KNL1: variants seen among roughly 807,000 people sequenced by gnomAD.
KNL1 encodes outer kinetochore KNL1 complex subunit KNL1.
In KNL1, 66 loss-of-function variants were observed where a neutral mutation model predicts 201.3. That is an observed-to-expected ratio of 0.33 (90% confidence interval 0.27 to 0.40). The LOEUF is 0.40. Ranked by LOEUF, KNL1 falls within the 10% of genes least tolerant of loss-of-function variation. The pLI is 1.00. For missense variants in KNL1, 2,815 were observed against 2,690.5 expected, an observed-to-expected ratio of 1.05 and a Z score of -1.02; for synonymous variants, 895 against 899.2, an observed-to-expected ratio of 1.00 and a Z score of 0.08.
At position 40,659,365 on chromosome 15, in the gene KNL1, C is replaced by T; in HGVS notation, c.6740C>T (p.Ala2247Val). The T allele has an allele frequency of 1.2e-6, 2 of 1,612,988 alleles. No individual in the cohort carries two copies. The highest frequency in any genetic ancestry group is 1.3e-5 in the African/African-American group (1 of 75,018). The part of the protein sequence containing the change: ...NELRLLFSSS[A>V]AFAKFEITLF... ...TTGAGACTTTTATTCTCTAGCTCCG[C>T]AGCATTTGCAAAGTTTGAAATAACT... The change falls in exon 25 of 26, where the codon GCA becomes GTA. Residue 2247 changes from alanine (A) to valine (V), a missense_variant. Ala to Val is a moderately conservative substitution (Grantham distance 64, BLOSUM62 0). Around this residue, in one of 3 missense-constraint regions of KNL1, gnomAD observed 334 missense variants for 362.6 expected, o/e 0.92. Transcript: ENST00000399668.
At chr15:40,661,174 C>T (rs1338154981) in intron 25 of KNL1, among the ~76,000 whole-genome samples, 1 of 151,544 alleles carries the variant, frequency 6.6e-6, no homozygotes, top group Non-Finnish European at 1.5e-5. Flanking sequence ...ATGAGTTTGA[C>T]ACCAGCCTGG....
Position 40,659,378 on chromosome 15 carries a change from G to T in KNL1, c.6753G>T (p.Lys2251Asn). ...LLFSSSAAFA[K>N]FEITLFLSAY... ...TCTCTAGCTCCGCAGCATTTGCAAA[G>T]TTTGAAATAACTTTGTTTCTCTCAG... Residue 2251 changes from lysine to asparagine, a missense_variant, in exon 25 of 26, where the codon AAG becomes AAT. Physicochemically the swap from Lys to Asn is moderately conservative, Grantham distance 94. Transcript: ENST00000399668. The T allele has an allele frequency of 6.2e-7, 1 of 1,613,366 alleles. No homozygotes were observed.
At chr15:40,610,213 A>C (rs1365363272) in intron 5 of KNL1, 32 bp from the exon 6 acceptor site, 1 of 1,153,816 alleles carries the variant, frequency 8.7e-7, no homozygotes, top group African/African-American at 1.5e-5. Context: ...TACAAATTGC[A>C]GGTTTTCAAT....
intron 22 of KNL1, among the ~76,000 whole-genome samples, 186 bp from the exon 23 acceptor site, chr15:40,656,856 A>G (rs977702956): frequency 6.6e-6 from 1 of 152,160 alleles, no homozygotes; most frequent in Non-Finnish European, 1.5e-5. Context: ...ATGGTACTCC[A>G]GCCTGGGTGA....
chr15:40,644,824 G>GC (rs1370944803), intron 14 of KNL1, among the ~76,000 whole-genome samples, 173 bp from the exon 15 acceptor site: 1 of 152,208 alleles, frequency 6.6e-6, no homozygotes, highest in African/African-American at 2.4e-5. Flanking sequence ...AGTGGCTGGG[G>GC]CAAAGTGGTT....
At chr15:40,610,728 G>C (rs2141705957) in intron 6 of KNL1, 1 of 455,920 alleles carries the variant, frequency 2.2e-6, no homozygotes, top group South Asian at 1.6e-5. Flanking sequence ...TGGGAGTAGA[G>C]AGTAGAGTGG....
At chr15:40,659,683 G>A (rs953278529) in intron 25 of KNL1, among the ~76,000 whole-genome samples, 9 of 151,884 alleles carry the variant, frequency 5.9e-5, no homozygotes, top group African/African-American at 2.2e-4. Flanking sequence ...TAGTAGAGAC[G>A]GGGTTTCACC....
intron 1 of KNL1, among the ~76,000 whole-genome samples, chr15:40,601,846 C>G (rs1329745575): frequency 1.5e-5 from 2 of 136,328 alleles, no homozygotes; most frequent in African/African-American, 5.3e-5. Context: ...AAAAAAATTC[C>G]TTAAAAATGC....
intron 14 of KNL1, 97 bp downstream of exon 14, chr15:40,641,124 G>A (rs574370507): frequency 3.4e-4 from 265 of 768,732 alleles, no homozygotes; most frequent in Non-Finnish European, 5.0e-4. Context: ...GCTGGCATGG[G>A]GTAAAATTGA....
intron 14 of KNL1, among the ~76,000 whole-genome samples, chr15:40,642,183 A>G (rs1893249949): frequency 1.3e-5 from 2 of 152,140 alleles, no homozygotes; most frequent in African/African-American, 2.4e-5. Context: ...GTGGATCACG[A>G]GGTCAGGAGA....
At chr15:40,641,214 C>T (rs1417219513) in intron 14 of KNL1, among the ~76,000 whole-genome samples, 187 bp downstream of exon 14, 1 of 152,182 alleles carries the variant, frequency 6.6e-6, no homozygotes, top group African/African-American at 2.4e-5. Flanking sequence ...GGCTTCAACA[C>T]TAGCTGTGTA....
rs144938828 is a variant in KNL1 at position 40,598,439 on chromosome 15, G to A, written c.-18+4047G>A. Reference sequence around the variant, plus strand: ...AAAATAAAAAAATTAGCCAGGAATGGTGGCAGGTGCCTGTAACCCCAGCTC... The same window carrying A: ...AAAATAAAAAAATTAGCCAGGAATGATGGCAGGTGCCTGTAACCCCAGCTC... On this transcript the variant is annotated intron_variant, in intron 1 of 25. Coordinates refer to ENST00000399668, the MANE Select transcript of KNL1 (RefSeq NM_144508.5). 9.5e-3 allele frequency among the ~76,000 whole-genome samples: 1,442 copies of A among 152,090 alleles called. 17 individuals are homozygous for A. The highest frequency in any genetic ancestry group is 0.033 in the African/African-American group (1,364 of 41,486).
rs1892527804 is a variant in KNL1 at position 40,621,534 on chromosome 15, G to A, written c.1270G>A (p.Gly424Ser). ...TATATATTCTAATCCATCTATTCAA[G>A]GTTGTAAGACTGTTTTCTATTCTAG... is the stretch of plus-strand genomic sequence containing the variant. ...ESIYSNPSIQ[G>S]CKTVFYSSCN... Residue 424 changes from glycine to serine, a missense_variant, in exon 10 of 26, where the codon GGT becomes AGT. Physicochemically the swap from Gly to Ser is moderately conservative, Grantham distance 56 (BLOSUM62 0). Coordinates refer to ENST00000399668, the MANE Select transcript of KNL1 (RefSeq NM_144508.5). The A allele has an allele frequency of 6.2e-7, 1 of 1,612,802 alleles. No individual in the cohort carries two copies. The highest frequency in any genetic ancestry group is 1.3e-5 in the African/African-American group (1 of 74,950).
At chr15:40,639,704 G>T (rs115776113) in intron 13 of KNL1, among the ~76,000 whole-genome samples, 2,054 of 152,022 alleles carry the variant, frequency 0.014, 48 homozygotes, top group African/African-American at 0.047. Flanking sequence ...ATCCTGGGAG[G>T]CTGAGGCTGC....
chr15:40,601,137 G>A (rs544407581), intron 1 of KNL1, among the ~76,000 whole-genome samples: 10 of 152,300 alleles, frequency 6.6e-5, no homozygotes, highest in African/African-American at 2.2e-4. Context: ...TCCGCCTTCT[G>A]TCGGATCAGC....
At chr15:40,651,060 G>A (rs1290540164) in intron 19 of KNL1, among the ~76,000 whole-genome samples, 15 of 146,174 alleles carry the variant, frequency 1.0e-4, no homozygotes, top group Admixed American at 2.0e-4. Context: ...ACAACTAAAC[G>A]AAACCAAATA....
At chr15:40,650,196 C>A in intron 17 of KNL1, 105 bp from the exon 18 acceptor site, 2 of 709,450 alleles carry the variant, frequency 2.8e-6, no homozygotes, top group Non-Finnish European at 4.6e-6. Context: ...AACAATCTGT[C>A]GTTTAATAAA....
chr15:40,601,859 CT>C (rs36046773), intron 1 of KNL1, among the ~76,000 whole-genome samples: 302 of 64,610 alleles, frequency 4.7e-3, no homozygotes, highest in African/African-American at 0.018. Flanking sequence ...AAAAATGCAT[CT>C]TTTTTTTTTT....
At chr15:40,656,855 C>T (rs1227224382) in intron 22 of KNL1, among the ~76,000 whole-genome samples, 187 bp from the exon 23 acceptor site, 1 of 151,672 alleles carries the variant, frequency 6.6e-6, no homozygotes, top group Non-Finnish European at 1.5e-5. Context: ...CATGGTACTC[C>T]AGCCTGGGTG....
Sources: allele counts gnomAD v4.1 joint callset (sites outside exome capture counted in the v4.1 genomes callset), GRCh38; gene constraint gnomAD v4.1.1; regional missense constraint gnomAD v4.1.1; transcripts MANE v1.5; gene names NCBI Gene and HGNC (gene_info 2026-07-23, HGNC 2026-07-21).